LARP1: variants seen among roughly 807,000 people sequenced by gnomAD.
LARP1 encodes La ribonucleoprotein 1, translational regulator.
A neutral mutation model predicts 122.7 loss-of-function variants in LARP1; 36 were observed. The observed-to-expected ratio is 0.29, with a 90% CI of 0.22 to 0.39. LARP1 has a LOEUF of 0.39. Among genes scored for constraint, LARP1 ranks in the 10% least tolerant of loss-of-function variants. LARP1 has a pLI of 1.00. For synonymous variants in LARP1, 539 were observed against 528.7 expected, an observed-to-expected ratio of 1.02 and a Z score of -0.27; for missense variants, 1,040 against 1,403.6, an observed-to-expected ratio of 0.74 and a Z score of 4.14.
At chr5:154,727,831 G>T (rs573202495) in intron 1 of LARP1, among the ~76,000 whole-genome samples, 1 of 152,156 alleles carries the variant, frequency 6.6e-6, no homozygotes, top group South Asian at 2.1e-4. Flanking sequence ...ACTTTAGGAG[G>T]CCAAGGTGGG....
intron 1 of LARP1, among the ~76,000 whole-genome samples, chr5:154,722,873 G>A (rs548462252): frequency 1.6e-4 from 24 of 152,236 alleles, no homozygotes; most frequent in African/African-American, 4.6e-4. Flanking sequence ...TAGGGATGGG[G>A]TTTTATCATG....
intron 15 of LARP1, 150 bp downstream of exon 15, chr5:154,806,182 A>T (rs962642572): frequency 1.2e-6 from 1 of 828,676 alleles, no homozygotes; most frequent in African/African-American, 1.7e-5. Flanking sequence ...GACTGAAGTT[A>T]GACTCGGGCC....
rs1291761752 is a variant in LARP1 at position 154,803,786 on chromosome 5, C to T, written c.2439+41C>T. 3 of 1,572,670 alleles carry T rather than the reference C, an allele frequency of 1.9e-6. No individual in the cohort carries two copies. Among genetic ancestry groups the T allele is most frequent in the Non-Finnish European group, 2.6e-6 (3 of 1,142,840 alleles). On this transcript the variant is annotated intron_variant, in intron 13 of 18. Coordinates refer to ENST00000518297, the MANE Select transcript of LARP1 (RefSeq NM_033551.3). The surrounding 1 kb of genome is among the most constrained non-coding windows in gnomAD (Gnocchi z 4.4). ...CGGGCTGCTCAGAGTCTTGGGTCTA[C>T]TTCATTGCATTCCAGTGCTTTGCTT...
intron 1 of LARP1, among the ~76,000 whole-genome samples, chr5:154,690,195 C>G (rs1190033323): frequency 6.6e-6 from 1 of 152,096 alleles, no homozygotes; most frequent in Non-Finnish European, 1.5e-5. Flanking sequence ...GCTGCCCCTA[C>G]CCCATTGCAG....
At chr5:154,772,388 A>G (rs1755510629) in intron 1 of LARP1, among the ~76,000 whole-genome samples, 1 of 152,146 alleles carries the variant, frequency 6.6e-6, no homozygotes, top group Non-Finnish European at 1.5e-5. Flanking sequence ...GCGTATTTCA[A>G]GTGTGTGTAA....
At chr5:154,761,461 G>A (rs1244320848) in intron 1 of LARP1, among the ~76,000 whole-genome samples, 3 of 152,182 alleles carry the variant, frequency 2.0e-5, no homozygotes, top group African/African-American at 2.4e-5. Context: ...GGTGGGCAGG[G>A]TGGGAGGAGG....
intron 1 of LARP1, among the ~76,000 whole-genome samples, chr5:154,743,342 CTT>C (rs1010452215): frequency 4.7e-5 from 7 of 148,612 alleles, no homozygotes; most frequent in African/African-American, 1.7e-4. Flanking sequence ...GAATTTCGCT[CTT>C]GTTGCCCAGG....
At chr5:154,689,951 C>T (rs1013492357) in intron 1 of LARP1, among the ~76,000 whole-genome samples, 1 of 152,016 alleles carries the variant, frequency 6.6e-6, no homozygotes, top group Non-Finnish European at 1.5e-5. Flanking sequence ...TGGTGGCACG[C>T]GCCTGCTTGA....
intron 1 of LARP1, among the ~76,000 whole-genome samples, chr5:154,749,608 G>A (rs1207913924): frequency 1.3e-5 from 2 of 152,176 alleles, no homozygotes; most frequent in African/African-American, 2.4e-5. Flanking sequence ...AAATAATTAC[G>A]TGACATGTGC....
intron 1 of LARP1, among the ~76,000 whole-genome samples, chr5:154,768,173 G>T (rs1755103902): frequency 6.6e-6 from 1 of 152,212 alleles, no homozygotes; most frequent in African/African-American, 2.4e-5. Flanking sequence ...GGATTCAGTT[G>T]TCACAGGGGA....
intron 1 of LARP1, among the ~76,000 whole-genome samples, chr5:154,740,264 A>G (rs1211293178): frequency 6.6e-6 from 1 of 151,882 alleles, no homozygotes; most frequent in East Asian, 1.9e-4. Flanking sequence ...GTGGTGGCAC[A>G]TGCGTGTAAT....
chr5:154,698,281 T>C (rs1227194743), intron 1 of LARP1, among the ~76,000 whole-genome samples: 1 of 152,194 alleles, frequency 6.6e-6, no homozygotes, highest in East Asian at 1.9e-4. Flanking sequence ...GGATTCTTTT[T>C]GAGGTGATGA....
At chr5:154,778,738 A>G (rs753487986) in intron 1 of LARP1, among the ~76,000 whole-genome samples, 10 of 152,208 alleles carry the variant, frequency 6.6e-5, no homozygotes, top group Non-Finnish European at 1.0e-4. Context: ...AGGACTGTCA[A>G]CCAGTCTCTT....
intron 1 of LARP1, among the ~76,000 whole-genome samples, chr5:154,716,893 C>G (rs906264785): frequency 6.6e-6 from 1 of 152,062 alleles, no homozygotes; most frequent in Admixed American, 6.6e-5. Flanking sequence ...ACTCCGATCT[C>G]TACAAAAAAT....
Position 154,814,770 on chromosome 5 carries a change from G to T in LARP1, c.*674G>T, listed in dbSNP as rs774129157. On this transcript the variant is annotated 3_prime_UTR_variant, in exon 19 of 19. Transcript: ENST00000518297. ...CTTGCCCCACACCCTTTACTCCCCA[G>T]CCCAGAGAGACGCTGCTTTTACCAG... 1.4e-4 allele frequency: 22 copies of T among 152,214 alleles called. No homozygotes were observed. The highest frequency in any genetic ancestry group is 8.5e-4 in the Admixed American group (13 of 15,238). The allele number at this position is 152,214 out of a possible 1,614,324, so 9.4% of individuals were successfully genotyped here. A position where few individuals can be genotyped will look rare whatever the true frequency, so the allele number is the denominator to read the frequency against.
At chr5:154,756,280 G>C (rs1753889310) in intron 1 of LARP1, 87 bp downstream of exon 1, 2 of 1,020,938 alleles carry the variant, frequency 2.0e-6, no homozygotes, top group Non-Finnish European at 2.4e-6. Context: ...AGGGCCCCGG[G>C]GTCTGCTACC....
upstream of LARP1, among the ~76,000 whole-genome samples, chr5:154,751,199 CAGTG>C (rs974913714): frequency 1.6e-4 from 24 of 152,192 alleles, no homozygotes; most frequent in African/African-American, 5.1e-4. Flanking sequence ...CAGAGTGGTG[CAGTG>C]AGTAAGAATA....
chr5:154,729,535 GA>G, intron 1 of LARP1: 2 of 431,556 alleles, frequency 4.6e-6, no homozygotes, highest in Non-Finnish European at 4.5e-6. Flanking sequence ...ATAGCTTCCT[GA>G]AAAGTGTGAA....
chr5:154,781,140 A>G (rs977969582), intron 1 of LARP1, among the ~76,000 whole-genome samples: 1 of 152,306 alleles, frequency 6.6e-6, no homozygotes, highest in South Asian at 2.1e-4. Flanking sequence ...AAAACCTCTG[A>G]GCTTGGCAGC....
Sources: gnomAD v4.1 joint callset for allele counts (sites outside exome capture counted in the v4.1 genomes callset) on GRCh38, gnomAD v4.1.1 for gene constraint, Gnocchi (gnomAD v3.1) non-coding constraint, MANE v1.5 for transcripts, NCBI Gene and HGNC (gene_info 2026-07-23, HGNC 2026-07-21) for gene names.